ANKRD13D: variants seen among roughly 807,000 people sequenced by gnomAD.
ANKRD13D encodes the protein ankyrin repeat domain 13D, also known as ankyrin repeat domain-containing protein 13D.
A neutral mutation model predicts 68.8 loss-of-function variants in ANKRD13D; 24 were observed. The observed-to-expected ratio is 0.35, with a 90% CI of 0.25 to 0.49. The LOEUF is 0.49. Among genes scored for constraint, ANKRD13D ranks in the 20% least tolerant of loss-of-function variants. The pLI, the probability that ANKRD13D is intolerant of heterozygous loss-of-function variation, is 0.99. For missense variants in ANKRD13D, 735 were observed against 832.1 expected (o/e 0.88, Z 1.44); for synonymous variants, 331 against 336.1 (o/e 0.98, Z 0.16).
intron 6 of ANKRD13D, among the ~76,000 whole-genome samples, chr11:67,297,502 T>C (rs761460148): frequency 5.4e-5 from 8 of 148,134 alleles, no homozygotes; most frequent in Non-Finnish European, 1.2e-4. Flanking sequence ...GCCTGGCCTT[T>C]ACCTGTGTCT....
Position 67,300,805 on chromosome 11 carries a change from G to A in ANKRD13D, c.1074-185G>A. 1 of 685,310 alleles carries A rather than the reference G, an allele frequency of 1.5e-6. No individual in the cohort carries two copies. Among genetic ancestry groups the A allele is most frequent in the South Asian group, 2.0e-5 (1 of 51,222 alleles). The allele number at this position is 685,310 out of a possible 1,614,324, so 42.5% of individuals were successfully genotyped here. ...CCCCAGCCTGGGCCCAGGGAGGAGGGCAGCTTGGGCCACGTGGCCAGGACA... is the reference window on the plus strand; with the variant it reads ...CCCCAGCCTGGGCCCAGGGAGGAGGACAGCTTGGGCCACGTGGCCAGGACA... On this transcript the variant is annotated intron_variant, in intron 10 of 14. Coordinates refer to ENST00000511455, the MANE Select transcript of ANKRD13D (RefSeq NM_207354.3). The surrounding 1 kb of genome is among the most constrained non-coding windows in gnomAD (Gnocchi z 4.3).
chr11:67,290,465 A>G lies in ANKRD13D; in HGVS notation c.351+19A>G. 6.4e-7 allele frequency: 1 copy of G among 1,558,214 alleles called. No homozygotes were observed. On this transcript the variant is annotated intron_variant, in intron 3 of 14. Coordinates refer to ENST00000511455, the MANE Select transcript of ANKRD13D (RefSeq NM_207354.3). ...TCGCCAGGTACAGCAGGGCACAGTT[A>G]TGGAGGTGGGGTACCATGGCAGGGC... is the stretch of plus-strand genomic sequence containing the variant.
In ANKRD13D at chr11:67,291,759, C is replaced by A. The variant is rs1860563571; in HGVS notation, c.541+13C>A. The stretch of plus-strand genomic sequence containing the variant: ...TTCAAGGGCCAGGGTGAGCTCTGGA[C>A]AAACTCATTGCAGCTCCTCGGCCCT... On this transcript the variant is annotated intron_variant, in intron 5 of 14. Coordinates refer to ENST00000511455, the MANE Select transcript of ANKRD13D (RefSeq NM_207354.3). 1 of 1,613,164 alleles carries A rather than the reference C, an allele frequency of 6.2e-7. No homozygotes were observed. Among genetic ancestry groups the A allele is most frequent in the South Asian group, 1.1e-5 (1 of 91,078 alleles).
rs1860900383 is a variant in ANKRD13D, at chr11:67,299,717, C to T, written c.880+106C>T. 1.3e-6 allele frequency: 2 copies of T among 1,526,058 alleles called. No individual in the cohort carries two copies. The highest frequency in any genetic ancestry group is 1.2e-5 in the South Asian group (1 of 80,292). 94.5% of individuals were successfully genotyped at this position (1,526,058 alleles called of 1,614,324 possible). On this transcript the variant is annotated intron_variant, in intron 8 of 14. Transcript: ENST00000511455. This position sits in a 1 kb window ranked among gnomAD's most constrained non-coding sequence, Gnocchi z 6.2. ...TCCCAGGATGAGCTGGGAGGCCTCC[C>T]CATTCCCGTCTGACCCCTCTTCCCC...
rs754473239 is a variant in ANKRD13D at position 67,301,184 on chromosome 11, G to A, written c.1231+37G>A. The stretch of plus-strand genomic sequence containing the variant: ...GGCACAGGCAGCGGGAGGACCTCAG[G>A]CATGGCACCCTCCCTCAGCGCAGTC... On this transcript the variant is annotated intron_variant, in intron 11 of 14. Coordinates refer to ENST00000511455, the MANE Select transcript of ANKRD13D (RefSeq NM_207354.3). The surrounding 1 kb of genome is among the most constrained non-coding windows in gnomAD (Gnocchi z 4.5). 6 of 1,607,084 alleles carry A rather than the reference G, an allele frequency of 3.7e-6. 1 individual carries two copies. The highest frequency in any genetic ancestry group is 1.7e-4 in the Middle Eastern group (1 of 6,046).
intron 5 of ANKRD13D, 76 bp downstream of exon 5, chr11:67,291,822 T>A: frequency 6.4e-7 from 1 of 1,568,684 alleles, no homozygotes. Flanking sequence ...TGCTGCCTTT[T>A]CTCTCCACTT....
At chr11:67,291,400 T>G in intron 3 of ANKRD13D, 76 bp from the exon 4 acceptor site, 2 of 1,319,114 alleles carry the variant, frequency 1.5e-6, no homozygotes, top group Non-Finnish European at 2.1e-6. Flanking sequence ...CTGGGCTGGC[T>G]GTGGACAAGG....
At chr11:67,292,424 G>C (rs1860597221) in intron 6 of ANKRD13D, among the ~76,000 whole-genome samples, 1 of 152,094 alleles carries the variant, frequency 6.6e-6, no homozygotes, top group African/African-American at 2.4e-5. Flanking sequence ...CTTGACTTCT[G>C]ACCTCATATG....
chr11:67,290,053 T>C, intron 1 of ANKRD13D, 25 bp from the exon 2 acceptor site: 1 of 1,533,788 alleles, frequency 6.5e-7, no homozygotes, highest in Non-Finnish European at 8.7e-7. Context: ...TCTCCTGCCC[T>C]TTGTGAGTGT....
Position 67,299,143 on chromosome 11 carries a change from GGGGGGCT to G in ANKRD13D, c.798+25_798+31del. The G allele has an allele frequency of 3.1e-6, 5 of 1,599,674 alleles. No homozygotes were observed. The highest frequency in any genetic ancestry group is 1.1e-5 in the South Asian group (1 of 90,740). The stretch of plus-strand genomic sequence containing the variant: ...GGCCAAGGCAGGAGAGGCTAGGGGT[GGGGGGCT>G]GGGGGTAGGAGATGAGGTCCAGGAA... On this transcript the variant is annotated intron_variant, in intron 7 of 14. Transcript: ENST00000511455. The surrounding 1 kb of genome is among the most constrained non-coding windows in gnomAD (Gnocchi z 6.2).
intron 3 of ANKRD13D, chr11:67,290,768 C>T (rs191312842): frequency 1.4e-5 from 4 of 291,268 alleles, no homozygotes; most frequent in East Asian, 7.1e-5. Context: ...CTACTACGCA[C>T]CCTTCTGGAA....
At chr11:67,289,621 G>GCCCCCCCCCCCCCCCCCCCCCCCCC (rs368498130) in intron 1 of ANKRD13D, 71 bp downstream of exon 1, 19 of 808,124 alleles carry the variant, frequency 2.4e-5, no homozygotes, top group Admixed American at 1.2e-4. Flanking sequence ...CCGTCCTGGA[G>GCCCCCCCCCCCCCCCCCCCCCCCCC]CCCCCCCCCC....
chr11:67,299,647 A>T lies in ANKRD13D; in HGVS notation c.880+36A>T. 1 of 1,548,650 alleles carries T rather than the reference A, an allele frequency of 6.5e-7. No homozygotes were observed. The highest frequency in any genetic ancestry group is 8.7e-7 in the Non-Finnish European group (1 of 1,145,496). The stretch of plus-strand genomic sequence containing the variant: ...GTGCGCCTGCCTGCTGCCCGGTCAC[A>T]CCGTGTGGTGGGGTCACCCTGGCCT... On this transcript the variant is annotated intron_variant, in intron 8 of 14. Transcript: ENST00000511455. This position sits in a 1 kb window ranked among gnomAD's most constrained non-coding sequence, Gnocchi z 6.2.
At chr11:67,291,406 C>A in intron 3 of ANKRD13D, 70 bp from the exon 4 acceptor site, 9 of 1,378,630 alleles carry the variant, frequency 6.5e-6, no homozygotes, top group Non-Finnish European at 9.1e-6. Context: ...TGGCTGTGGA[C>A]AAGGGGCTCC....
rs1208451058 is a variant in ANKRD13D, at chr11:67,289,475, C to G, written c.15C>G (p.Gly5=). The change falls in exon 1 of 15, where the codon GGC becomes GGG. Residue 5 remains glycine, a synonymous_variant. Transcript: ENST00000511455. MAGP[G]PTFPLHRLVW... The stretch of plus-strand genomic sequence containing the variant: ...TGAGGCCCAGCATGGCCGGCCCGGG[C>G]CCCACCTTCCCGCTGCACCGGCTCG... The G allele has an allele frequency of 6.6e-7, 1 of 1,507,698 alleles. No homozygotes were observed. Among genetic ancestry groups the G allele is most frequent in the Non-Finnish European group, 8.8e-7 (1 of 1,135,990 alleles). The allele number at this position is 1,507,698 out of a possible 1,614,324, so 93.4% of individuals were successfully genotyped here.
Position 67,302,462 on chromosome 11 carries a change from G to C in ANKRD13D, c.*130G>C, listed in dbSNP as rs1351724367. The C allele has an allele frequency of 7.6e-7, 1 of 1,324,198 alleles. No individual in the cohort carries two copies. Among genetic ancestry groups the C allele is most frequent in the Non-Finnish European group, 1.0e-6 (1 of 999,912 alleles). 82.0% of individuals were successfully genotyped at this position (1,324,198 alleles called of 1,614,324 possible). Reference sequence around the variant, plus strand: ...TGAGCAGGCAGGGGAGACTGAGATGGAAATAAAGAGACTGTCGCAGCAGGG... The same window carrying C: ...TGAGCAGGCAGGGGAGACTGAGATGCAAATAAAGAGACTGTCGCAGCAGGG... On this transcript the variant is annotated 3_prime_UTR_variant, in exon 15 of 15. Transcript: ENST00000511455.
At chr11:67,296,607 T>TTTTTGTTTTG (rs142136280) in intron 6 of ANKRD13D, among the ~76,000 whole-genome samples, 90 of 151,524 alleles carry the variant, frequency 5.9e-4, no homozygotes, top group Admixed American at 1.6e-3. Context: ...TAATTTGAAG[T>TTTTTGTTTTG]TTTTGTTTTG....
intron 1 of ANKRD13D, 39 bp downstream of exon 1, chr11:67,289,589 C>A: frequency 6.7e-7 from 1 of 1,491,200 alleles, no homozygotes; most frequent in South Asian, 1.2e-5. Context: ...TCCCCCGGGT[C>A]CCCCACCCAA....
Position 67,302,226 on chromosome 11 carries a change from T to C in ANKRD13D, c.1712T>C (p.Leu571Pro). Residue 571 changes from leucine (L) to proline (P), a missense_variant, in exon 15 of 15, where the codon CTG (leucine) becomes CCG (proline). Physicochemically the swap from Leu to Pro is moderately conservative, Grantham distance 98. Coordinates refer to ENST00000511455, the MANE Select transcript of ANKRD13D (RefSeq NM_207354.3). ...GPPSFEEQLR[L>P]ALELSSREQE... ...CCCAGCTTTGAAGAGCAGCTGCGCC[T>C]GGCCCTGGAGTTGTCTTCACGGGAG... 1 of 1,580,070 alleles carries C rather than the reference T, an allele frequency of 6.3e-7. No individual in the cohort carries two copies. Among genetic ancestry groups the C allele is most frequent in the Non-Finnish European group, 8.6e-7 (1 of 1,163,016 alleles).
Sources: allele counts gnomAD v4.1 joint callset (sites outside exome capture counted in the v4.1 genomes callset), GRCh38; gene constraint gnomAD v4.1.1; non-coding constraint Gnocchi (gnomAD v3.1); transcripts MANE v1.5; gene names NCBI Gene and HGNC (gene_info 2026-07-23, HGNC 2026-07-21).